USP30: variants seen among roughly 807,000 people sequenced by gnomAD.
USP30 encodes the protein ubiquitin carboxyl-terminal hydrolase 30.
Under a neutral mutation model 68.2 loss-of-function variants are expected in USP30, and 41 were observed. That is an observed-to-expected ratio of 0.60 (90% CI 0.47 to 0.78). The LOEUF (loss-of-function observed/expected upper bound fraction) is 0.78, where lower values mean the gene tolerates loss of function less well. Among genes scored for constraint, USP30 ranks in the 30% least tolerant of loss-of-function variants. The pLI is 0.00. For synonymous variants in USP30, 229 were observed against 253.7 expected (o/e 0.90, Z 0.93); for missense variants, 522 against 649.4 (o/e 0.80, Z 2.13).
intron 6 of USP30, among the ~76,000 whole-genome samples, chr12:109,072,748 A>G (rs1307647520): frequency 2.0e-5 from 3 of 152,224 alleles, no homozygotes; most frequent in African/African-American, 7.2e-5. Context: ...TAAGATTAGC[A>G]TATTAATTCC....
At chr12:109,066,291 G>T (rs886634301) in intron 3 of USP30, among the ~76,000 whole-genome samples, 3 of 148,440 alleles carry the variant, frequency 2.0e-5, no homozygotes, top group Middle Eastern at 3.6e-3. Flanking sequence ...TTTATTTTCT[G>T]GACTTTTACA....
At chr12:109,071,414 C>T (rs192149982) in intron 4 of USP30, among the ~76,000 whole-genome samples, 198 bp from the exon 5 acceptor site, 2 of 152,344 alleles carry the variant, frequency 1.3e-5, no homozygotes, top group East Asian at 1.9e-4. Flanking sequence ...CTGCTCTCTG[C>T]TCCTGGACCT....
At position 109,081,926 on chromosome 12, in the gene USP30, G is replaced by A; in HGVS notation, c.781-7G>A. ...ATTGTAGTAATTTTCTTCTTCTCAT[G>A]CTGTAGGGTCACCCATTGACCCTGG... On this transcript the variant is annotated splice_polypyrimidine_tract_variant and splice_region_variant and intron_variant, in intron 8 of 12. Coordinates refer to ENST00000257548, the MANE Select transcript of USP30 (RefSeq NM_032663.5). The A allele has an allele frequency of 1.2e-6, 2 of 1,613,862 alleles. No homozygotes were observed. The highest frequency in any genetic ancestry group is 1.1e-5 in the South Asian group (1 of 91,080).
At chr12:109,024,484 G>T (rs1028601188) in intron 1 of USP30, among the ~76,000 whole-genome samples, 2 of 151,822 alleles carry the variant, frequency 1.3e-5, no homozygotes, top group Admixed American at 1.3e-4. Context: ...CCTCAAACTC[G>T]TGAGCTCAAG....
intron 7 of USP30, among the ~76,000 whole-genome samples, chr12:109,075,494 G>T (rs1180312839): frequency 6.6e-6 from 1 of 152,086 alleles, no homozygotes; most frequent in Admixed American, 6.6e-5. Flanking sequence ...GGGATTACAG[G>T]CACCCGCCAA....
At chr12:109,058,155 G>A in intron 3 of USP30, 47 bp downstream of exon 3, 1 of 1,542,274 alleles carries the variant, frequency 6.5e-7, no homozygotes, top group Non-Finnish European at 8.8e-7. Context: ...TTTCAAAGAA[G>A]TCCAGATGAC....
Position 109,072,329 on chromosome 12 carries a change from C to A in USP30, c.604C>A (p.Gln202Lys). Residue 202 changes from glutamine (Q) to lysine (K), a missense_variant, in exon 6 of 13, where the codon CAA becomes AAA. Physicochemically the swap from Gln to Lys is moderately conservative, Grantham distance 53. Transcript: ENST00000257548. ...GCAGCAGTCAGAAATAACTCCCAAACAAATTACCTGCCGCACAAGAGGTAG... is the reference window on the plus strand; with the variant it reads ...GCAGCAGTCAGAAATAACTCCCAAAAAAATTACCTGCCGCACAAGAGGTAG... ...LEQQSEITPK[Q>K]ITCRTRGSPH... 1.2e-6 allele frequency: 2 copies of A among 1,612,160 alleles called. No homozygotes were observed. The highest frequency in any genetic ancestry group is 1.7e-6 in the Non-Finnish European group (2 of 1,178,944).
At chr12:109,040,922 A>T (rs1038737835) in intron 3 of USP30, among the ~76,000 whole-genome samples, 5 of 152,186 alleles carry the variant, frequency 3.3e-5, no homozygotes, top group Non-Finnish European at 5.9e-5. Flanking sequence ...CATATCTTTG[A>T]GGCTACCACA....
At chr12:109,048,235 G>C (rs920047434), upstream of USP30, among the ~76,000 whole-genome samples, 3 of 151,782 alleles carry the variant, frequency 2.0e-5, no homozygotes, top group Non-Finnish European at 4.4e-5. Context: ...AGAGGTGTGT[G>C]CCACCAAACC....
chr12:109,056,805 C>A lies in USP30; in HGVS notation c.193+14C>A. 6.3e-7 allele frequency: 1 copy of A among 1,577,234 alleles called. No homozygotes were observed. Among genetic ancestry groups the A allele is most frequent in the Non-Finnish European group, 8.7e-7 (1 of 1,153,220 alleles). ...AGCGTAGAAAAGGTAAGAATGAGAA[C>A]ACTGCATCATGGTCTGTAGACTTGA... On this transcript the variant is annotated intron_variant, in intron 2 of 12. Transcript: ENST00000257548.
At chr12:109,083,172 T>C (rs2041853925) in intron 11 of USP30, 110 bp downstream of exon 11, 4 of 1,128,106 alleles carry the variant, frequency 3.5e-6, no homozygotes, top group Non-Finnish European at 5.0e-6. Flanking sequence ...GCTTGTACAA[T>C]GGTGCTTAAA....
chr12:109,075,841 C>CT (rs34221615), intron 7 of USP30, among the ~76,000 whole-genome samples: 1,969 of 119,674 alleles, frequency 0.016, 25 homozygotes, highest in African/African-American at 0.031. Flanking sequence ...GTTACTTTTT[C>CT]TTTTTTTTTT....
intron 3 of USP30, among the ~76,000 whole-genome samples, chr12:109,045,186 C>G (rs1350757964): frequency 6.6e-6 from 1 of 152,080 alleles, no homozygotes; most frequent in African/African-American, 2.4e-5. Context: ...ACCATGTTGG[C>G]CAGGCTGGTC....
chr12:109,071,495 G>A (rs760810199), intron 4 of USP30, 117 bp from the exon 5 acceptor site: 30 of 761,632 alleles, frequency 3.9e-5, no homozygotes, highest in Non-Finnish European at 5.7e-5. Context: ...TGGGCCTTGA[G>A]AAGGTAGAAA....
chr12:109,029,253 G>T (rs2040464951), intron 3 of USP30, among the ~76,000 whole-genome samples: 1 of 152,210 alleles, frequency 6.6e-6, no homozygotes, highest in Non-Finnish European at 1.5e-5. Context: ...CATGAAAAGT[G>T]GTTCAACTGT....
intron 1 of USP30, among the ~76,000 whole-genome samples, chr12:109,023,827 G>T (rs1399723236): frequency 1.1e-4 from 16 of 151,490 alleles, no homozygotes; most frequent in Admixed American, 9.9e-4. Context: ...TAGAGACGGG[G>T]TTTCACCATC....
Position 109,027,348 on chromosome 12 carries a change from G to A in USP30, c.-227-117G>A, listed in dbSNP as rs147168538. ...GGTTGACGTGCAGTGATGCAATCAC[G>A]GCTCACTGCAACCTCAACCTTCTGG... On this transcript the variant is annotated intron_variant, in intron 2 of 15. Transcript: ENST00000392784. 52 of 152,174 alleles carry A rather than the reference G, an allele frequency of 3.4e-4. 1 individual carries two copies. The highest frequency in any genetic ancestry group is 1.2e-3 in the African/African-American group (50 of 41,516). 9.4% of individuals were successfully genotyped at this position (152,174 alleles called of 1,614,324 possible).
intron 3 of USP30, among the ~76,000 whole-genome samples, chr12:109,061,114 CTT>C (rs1248825823): frequency 1.3e-5 from 2 of 152,120 alleles, no homozygotes; most frequent in Non-Finnish European, 2.9e-5. Flanking sequence ...CTAAATAGAA[CTT>C]GTCTCTAATC....
At chr12:109,050,825 T>C (rs536349174), upstream of USP30, among the ~76,000 whole-genome samples, 1 of 151,856 alleles carries the variant, frequency 6.6e-6, no homozygotes, top group Non-Finnish European at 1.5e-5. Context: ...ACCAACATGG[T>C]GAAACCCCGT....
Sources: gnomAD v4.1 joint callset for allele counts (sites outside exome capture counted in the v4.1 genomes callset) on GRCh38, gnomAD v4.1.1 for gene constraint, MANE v1.5 for transcripts, NCBI Gene and HGNC (gene_info 2026-07-23, HGNC 2026-07-21) for gene names.